The following DPH7 variants were observed in gnomAD, a reference collection of about 807,000 sequenced individuals.
DPH7 encodes the protein diphthamide biosynthesis 7.
Under a neutral mutation model 41.7 loss-of-function variants are expected in DPH7, and 44 were observed. The ratio of observed to expected loss-of-function variants is 1.05; its 90% CI spans 0.83 to 1.36. The LOEUF (loss-of-function observed/expected upper bound fraction) is 1.36, where lower values mean the gene tolerates loss of function less well. DPH7 is among the 40% of genes most tolerant of loss of function. The probability of loss-of-function intolerance (pLI) is 0.00; values close to 1 mark genes in which losing one functional copy is unlikely to be tolerated. For synonymous variants in DPH7, 275 were observed against 238.0 expected (o/e 1.16, Z -1.43); for missense variants, 629 against 577.5 (o/e 1.09, Z -0.91).
chr9:137,570,371 C>G (rs890359326), intron 5 of DPH7, among the ~76,000 whole-genome samples: 1 of 152,210 alleles, frequency 6.6e-6, no homozygotes, highest in Non-Finnish European at 1.5e-5. Flanking sequence ...GCATGCCCCA[C>G]ATATCCACTC....
intron 8 of DPH7, among the ~76,000 whole-genome samples, chr9:137,561,425 A>G (rs963496339): frequency 2.0e-5 from 3 of 151,652 alleles, no homozygotes; most frequent in African/African-American, 4.8e-5. Flanking sequence ...CTGTATTCCC[A>G]GCTACTCGGG....
chr9:137,574,899 A>T, intron 3 of DPH7, 56 bp from the exon 4 acceptor site: 1 of 1,605,824 alleles, frequency 6.2e-7, no homozygotes, highest in Non-Finnish European at 8.5e-7. Flanking sequence ...GAACCCCCAA[A>T]AGACTTTTCC....
Position 137,556,911 on chromosome 9 carries a change from C to T in DPH7, c.950-1263G>A. 1 of 456,278 alleles carries T rather than the reference C, an allele frequency of 2.2e-6. No homozygotes were observed. 28.3% of individuals were successfully genotyped at this position (456,278 alleles called of 1,614,324 possible). A position where few individuals can be genotyped will look rare whatever the true frequency, so the allele number is the denominator to read the frequency against. ...AGTGGACGGAAGACACTGTTGCGAC[C>T]CCAAGAATGGGAGGCCCTTTCTGAT... On this transcript the variant is annotated intron_variant, in intron 8 of 8. Coordinates refer to ENST00000277540, the MANE Select transcript of DPH7 (RefSeq NM_138778.5). The surrounding 1 kb of genome is among the most constrained non-coding windows in gnomAD (Gnocchi z 5.2).
At chr9:137,562,828 G>A (rs1258980522) in intron 8 of DPH7, among the ~76,000 whole-genome samples, 4 of 152,048 alleles carry the variant, frequency 2.6e-5, no homozygotes, top group African/African-American at 2.4e-5. Context: ...TTAGCCAGGC[G>A]TGGTGGCACA....
intron 5 of DPH7, among the ~76,000 whole-genome samples, chr9:137,570,402 T>C (rs1840233439): frequency 6.6e-6 from 1 of 152,142 alleles, no homozygotes; most frequent in Admixed American, 6.5e-5. Flanking sequence ...TCTGACTGGA[T>C]ATACCTTCAC....
At chr9:137,560,909 C>A (rs929430769) in intron 8 of DPH7, among the ~76,000 whole-genome samples, 2 of 150,096 alleles carry the variant, frequency 1.3e-5, no homozygotes, top group African/African-American at 4.9e-5. Flanking sequence ...GTAGTCCCAG[C>A]TACTCAGGAG....
In DPH7 at chr9:137,554,508, G is replaced by C. The variant is rs1007419553; in HGVS notation, c.*731C>G. Among the ~76,000 whole-genome samples, 1 of 152,082 alleles carries C rather than the reference G, an allele frequency of 6.6e-6. No homozygotes were observed. Among genetic ancestry groups the C allele is most frequent in the Non-Finnish European group, 1.5e-5 (1 of 68,020 alleles). Reference sequence around the variant, plus strand: ...ATAAGAGTCTTGCTCTGTTGCCCCTGGCTCATTGCAGCCTCGACCTCCTGG... The same window carrying C: ...ATAAGAGTCTTGCTCTGTTGCCCCTCGCTCATTGCAGCCTCGACCTCCTGG... On this transcript the variant is annotated 3_prime_UTR_variant, in exon 9 of 9. Coordinates refer to ENST00000277540, the MANE Select transcript of DPH7 (RefSeq NM_138778.5).
At position 137,555,485 on chromosome 9, in the gene DPH7, G is replaced by T; in HGVS notation, c.1113C>A (p.Ser371Arg). 6.2e-7 allele frequency: 1 copy of T among 1,614,050 alleles called. No individual in the cohort carries two copies. The highest frequency in any genetic ancestry group is 8.5e-7 in the Non-Finnish European group (1 of 1,180,002). ...ATTCATGACAGGGTGTTGGCAACTC[G>T]CTTGCACCCTTCAGGTCTGCCGTCT... ...GTKTADLKGA[S>R]ELPTPCHECR... The change falls in exon 9 of 9, where the codon AGC (serine) becomes AGA (arginine). Residue 371 changes from serine (S) to arginine (R), a missense_variant. Ser to Arg is a moderately radical substitution (Grantham distance 110). Transcript: ENST00000277540.
chr9:137,568,781 G>A (rs547059647), intron 5 of DPH7, among the ~76,000 whole-genome samples: 33 of 152,236 alleles, frequency 2.2e-4, no homozygotes, highest in Admixed American at 2.1e-3. Flanking sequence ...GAAACTGAAG[G>A]GGCCCTGAAG....
rs532776976 is a variant in DPH7 at position 137,560,376 on chromosome 9, A to G, written c.949+4058T>C. Among the ~76,000 whole-genome samples, 10 of 152,282 alleles carry G rather than the reference A, an allele frequency of 6.6e-5. No individual in the cohort carries two copies. In the South Asian group the frequency reaches 1.9e-3, roughly 28 times the overall value. On this transcript the variant is annotated intron_variant, in intron 8 of 8. Transcript: ENST00000277540. ...GAAAAAACAGGTGGGGCAAGGACAG[A>G]AAAATAATATGTTAATGCTGTGTTC...
intron 2 of DPH7, among the ~76,000 whole-genome samples, chr9:137,577,060 A>AAAAAT (rs1841539768): frequency 6.6e-6 from 1 of 151,912 alleles, no homozygotes; most frequent in African/African-American, 2.4e-5. Flanking sequence ...CCTCAAAAAA[A>AAAAAT]AAAAAATTAA....
chr9:137,564,357 G>T, intron 8 of DPH7, 77 bp downstream of exon 8: 1 of 1,521,786 alleles, frequency 6.6e-7, no homozygotes. Context: ...GGGAGCTGAG[G>T]GAAGAGCCCA....
At chr9:137,568,834 A>G (rs1284447644) in intron 5 of DPH7, among the ~76,000 whole-genome samples, 5 of 152,150 alleles carry the variant, frequency 3.3e-5, no homozygotes, top group African/African-American at 9.7e-5. Context: ...GGCCGTTACT[A>G]GGTCCTAGGG....
chr9:137,569,270 C>T (rs111500134), intron 5 of DPH7, among the ~76,000 whole-genome samples: 3 of 148,262 alleles, frequency 2.0e-5, no homozygotes, highest in African/African-American at 7.5e-5. Flanking sequence ...ACCCCCCGAC[C>T]TCACCCTATC....
chr9:137,574,800 T>C lies in DPH7; in HGVS notation c.419A>G (p.Glu140Gly). The C allele has an allele frequency of 6.2e-7, 1 of 1,614,008 alleles. No individual in the cohort carries two copies. Among genetic ancestry groups the C allele is most frequent in the Non-Finnish European group, 8.5e-7 (1 of 1,180,006 alleles). ...ATCTAGGGACAAAGCCAGACACTGC[T>C]CCTCCAGGGCAAGGCTGGACAATGG... ...LEPLSSLALE[E>G]QCLALSLDWS... The change falls in exon 4 of 9, where the codon GAG (glutamate) becomes GGG (glycine). Residue 140 changes from glutamate (E) to glycine (G), a missense_variant. Glu to Gly is a moderately conservative substitution (Grantham distance 98, BLOSUM62 -2). Coordinates refer to ENST00000277540, the MANE Select transcript of DPH7 (RefSeq NM_138778.5).
rs747737656 is a variant in DPH7, at chr9:137,564,906, G to C, written c.763C>G (p.Leu255Val). 13 of 1,596,682 alleles carry C rather than the reference G, an allele frequency of 8.1e-6. No homozygotes were observed. The highest frequency in any genetic ancestry group is 1.7e-4 in the Middle Eastern group (1 of 6,018). Residue 255 changes from leucine to valine, a missense_variant, in exon 7 of 9, where the codon CTG becomes GTG. Leu to Val is a conservative substitution (Grantham distance 32). Coordinates refer to ENST00000277540, the MANE Select transcript of DPH7 (RefSeq NM_138778.5). ...IQSSPHREHI[L>V]ATGSYDEHIL... is the part of the protein sequence containing the mutation. ...CTGGGGACTCACCTTCCCGTGGCCAGGATGTGCTCCCGATGAGGGCTGCTC... is the reference window on the plus strand; with the variant it reads ...CTGGGGACTCACCTTCCCGTGGCCACGATGTGCTCCCGATGAGGGCTGCTC...
chr9:137,576,230 C>G, intron 2 of DPH7, 63 bp from the exon 3 acceptor site: 1 of 1,458,632 alleles, frequency 6.9e-7, no homozygotes, highest in Non-Finnish European at 9.6e-7. Flanking sequence ...CACTGTGCGT[C>G]CCGGTAACCA....
At chr9:137,561,460 G>A (rs941514200) in intron 8 of DPH7, among the ~76,000 whole-genome samples, 6 of 146,670 alleles carry the variant, frequency 4.1e-5, no homozygotes, top group East Asian at 2.0e-4. Context: ...GAATGGCGGC[G>A]TGAACCCGGA....
At chr9:137,570,074 C>T (rs1840162836) in intron 5 of DPH7, among the ~76,000 whole-genome samples, 1 of 150,952 alleles carries the variant, frequency 6.6e-6, no homozygotes, top group Non-Finnish European at 1.5e-5. Context: ...CACCCACTCA[C>T]TCATCCACCC....
Sources: gnomAD v4.1 joint callset for allele counts (sites outside exome capture counted in the v4.1 genomes callset) on GRCh38, gnomAD v4.1.1 for gene constraint, Gnocchi (gnomAD v3.1) non-coding constraint, MANE v1.5 for transcripts, NCBI Gene and HGNC (gene_info 2026-07-23, HGNC 2026-07-21) for gene names.